RHBDD1: variants seen among roughly 807,000 people sequenced by gnomAD.
RHBDD1 encodes the protein rhomboid domain containing 1, also known as rhomboid-related protein 4.
RHBDD1 carries 38 observed loss-of-function variants against 36.3 expected under a neutral mutation model. The observed-to-expected ratio is 1.05, with a 90% CI of 0.81 to 1.37. RHBDD1 has a LOEUF of 1.37. RHBDD1 is among the 40% of genes most tolerant of loss of function. The pLI is 0.00. For missense variants in RHBDD1, 393 were observed against 377.6 expected, an observed-to-expected ratio of 1.04 and a Z score of -0.34; for synonymous variants, 151 against 136.5, an observed-to-expected ratio of 1.11 and a Z score of -0.74.
chr2:226,813,683 A>G, the RHBDD1 span, among the ~76,000 whole-genome samples: 2 of 152,222 alleles, frequency 1.3e-5, no homozygotes, highest in African/African-American at 2.4e-5. Flanking sequence ...TAGTAATAGT[A>G]TCACATTGAA....
At position 226,954,955 on chromosome 2, in the gene RHBDD1, G is replaced by A. The variant is rs192135851; in HGVS notation, c.857-40476G>A. ...GGTGGGGGCAGGCACAGTGGGGAGC[G>A]TTCACCCAGAGGGACTTGCCTTCCT... On this transcript the variant is annotated intron_variant, in intron 8 of 8. Transcript: ENST00000392062. Among the ~76,000 whole-genome samples the A allele has an allele frequency of 1.0e-3, 158 of 152,092 alleles. 1 individual carries two copies. Among genetic ancestry groups the A allele is most frequent in the African/African-American group, 3.6e-3 (149 of 41,490 alleles).
At chr2:226,950,677 A>G (rs1296532595) in intron 8 of RHBDD1, among the ~76,000 whole-genome samples, 1 of 152,192 alleles carries the variant, frequency 6.6e-6, no homozygotes, top group Non-Finnish European at 1.5e-5. Flanking sequence ...AGCCATTCTA[A>G]CAAGTGTGAG....
chr2:226,840,205 A>G (rs960447334), intron 3 of RHBDD1, among the ~76,000 whole-genome samples: 1 of 152,178 alleles, frequency 6.6e-6, no homozygotes, highest in African/African-American at 2.4e-5. Flanking sequence ...TGGCAATATC[A>G]TGATGGTGAT....
intron 2 of RHBDD1, among the ~76,000 whole-genome samples, chr2:226,838,375 C>G (rs1391795732): frequency 6.6e-6 from 1 of 152,072 alleles, no homozygotes; most frequent in Admixed American, 6.5e-5. Context: ...TTTTTGTTCT[C>G]CTCATCGGAG....
At chr2:226,902,063 A>G (rs1947642535) in intron 5 of RHBDD1, among the ~76,000 whole-genome samples, 1 of 152,172 alleles carries the variant, frequency 6.6e-6, no homozygotes, top group Non-Finnish European at 1.5e-5. Context: ...GTGGTAGGTC[A>G]TAACCAAATC....
At chr2:226,926,483 A>T (rs1425308977) in intron 8 of RHBDD1, among the ~76,000 whole-genome samples, 1 of 152,182 alleles carries the variant, frequency 6.6e-6, no homozygotes, top group Non-Finnish European at 1.5e-5. Context: ...ATTGAATGGT[A>T]GGTGTCTTAT....
intron 2 of RHBDD1, among the ~76,000 whole-genome samples, chr2:226,838,731 A>G (rs1367824862): frequency 6.6e-6 from 1 of 152,242 alleles, no homozygotes; most frequent in African/African-American, 2.4e-5. Flanking sequence ...TTTTAACCAT[A>G]AAATGCTGAA....
At chr2:226,856,901 A>G (rs540138267) in intron 3 of RHBDD1, among the ~76,000 whole-genome samples, 9 of 152,280 alleles carry the variant, frequency 5.9e-5, no homozygotes, top group Non-Finnish European at 1.0e-4. Flanking sequence ...TTTGCAGTCA[A>G]ATGTGTTGGC....
chr2:226,926,397 C>T (rs564214359), intron 8 of RHBDD1, among the ~76,000 whole-genome samples: 1 of 152,140 alleles, frequency 6.6e-6, no homozygotes, highest in Non-Finnish European at 1.5e-5. Context: ...TCTGATGTTG[C>T]ATTTGATTAT....
At chr2:226,941,700 T>C (rs549366974) in intron 8 of RHBDD1, among the ~76,000 whole-genome samples, 1 of 152,202 alleles carries the variant, frequency 6.6e-6, no homozygotes, top group African/African-American at 2.4e-5. Flanking sequence ...CTATGGAAAA[T>C]ACAAACCAGC....
chr2:226,910,165 T>C (rs56849568), intron 7 of RHBDD1, among the ~76,000 whole-genome samples: 4,079 of 152,308 alleles, frequency 0.027, 87 homozygotes, highest in East Asian at 0.12. Flanking sequence ...CTTCTCTCTC[T>C]TTTGCACTCG....
At chr2:226,807,611 T>C in the RHBDD1 span, 1 of 152,134 alleles carries the variant, frequency 6.6e-6, no homozygotes, top group Admixed American at 6.6e-5. Flanking sequence ...TGGCACATTC[T>C]AGGAGAGTGA....
intron 5 of RHBDD1, among the ~76,000 whole-genome samples, chr2:226,900,988 A>G (rs1947537318): frequency 6.6e-6 from 1 of 152,212 alleles, no homozygotes; most frequent in Admixed American, 6.5e-5. Flanking sequence ...TATTCATCGT[A>G]TAACTGAAAG....
At chr2:226,945,777 G>A (rs1950951093) in intron 8 of RHBDD1, among the ~76,000 whole-genome samples, 1 of 152,150 alleles carries the variant, frequency 6.6e-6, no homozygotes, top group South Asian at 2.1e-4. Context: ...CCCACCAACA[G>A]TGTAAAAGTG....
intron 5 of RHBDD1, among the ~76,000 whole-genome samples, chr2:226,870,415 T>C (rs1944699774): frequency 6.6e-6 from 1 of 152,206 alleles, no homozygotes; most frequent in East Asian, 1.9e-4. Flanking sequence ...ATTTTGTTTG[T>C]TTGACTTCCA....
chr2:226,828,915 A>G, the RHBDD1 span, among the ~76,000 whole-genome samples: 1 of 151,898 alleles, frequency 6.6e-6, no homozygotes, highest in Admixed American at 6.6e-5. Flanking sequence ...CAATTTATCA[A>G]TTTTTTCTTT....
At chr2:226,947,581 T>C (rs1332792894) in intron 8 of RHBDD1, among the ~76,000 whole-genome samples, 1 of 152,200 alleles carries the variant, frequency 6.6e-6, no homozygotes, top group Non-Finnish European at 1.5e-5. Context: ...GACTTGGCGA[T>C]GCAGGCTCTT....
the RHBDD1 span, among the ~76,000 whole-genome samples, chr2:226,809,009 G>A: frequency 2.6e-5 from 4 of 152,212 alleles, no homozygotes; most frequent in Admixed American, 2.6e-4. Context: ...TCCTCCGAGT[G>A]GAGATATCAA....
intron 8 of RHBDD1, among the ~76,000 whole-genome samples, chr2:226,945,141 A>ATATTATTAT (rs1950889334): frequency 1.9e-5 from 2 of 107,506 alleles, no homozygotes; most frequent in Non-Finnish European, 3.9e-5. Context: ...ACAAGATCAA[A>ATATTATTAT]TCTGATTATT....
Sources: allele counts gnomAD v4.1 joint callset (sites outside exome capture counted in the v4.1 genomes callset), GRCh38; gene constraint gnomAD v4.1.1; transcripts MANE v1.5; gene names NCBI Gene and HGNC (gene_info 2026-07-23, HGNC 2026-07-21).